Variants in C12orf42 observed in about 807,000 individuals in gnomAD.
C12orf42 encodes the protein chromosome 12 open reading frame 42.
C12orf42 carries 25 observed loss-of-function variants against 21.6 expected under a neutral mutation model. The ratio of observed to expected loss-of-function variants is 1.16; its 90% CI spans 0.84 to 1.62. C12orf42 has a LOEUF of 1.62. Ranked by LOEUF, C12orf42 falls within the 40% of genes most tolerant of loss-of-function variation. The pLI is 0.00. For synonymous variants in C12orf42, 174 were observed against 175.0 expected (o/e 0.99, Z 0.05); for missense variants, 483 against 459.3 (o/e 1.05, Z -0.47).
At chr12:103,430,683 A>G (rs1486078757) in intron 2 of C12orf42, among the ~76,000 whole-genome samples, 1 of 152,252 alleles carries the variant, frequency 6.6e-6, no homozygotes, top group Non-Finnish European at 1.5e-5. Flanking sequence ...TTGCAGCACT[A>G]TTCACAATAG....
chr12:103,422,952 T>C (rs945035844), intron 2 of C12orf42, among the ~76,000 whole-genome samples: 7 of 152,214 alleles, frequency 4.6e-5, no homozygotes, highest in Admixed American at 1.3e-4. Context: ...TTTATCATGG[T>C]TACTGTTGCC....
intron 4 of C12orf42, among the ~76,000 whole-genome samples, chr12:103,337,994 CT>C (rs921440041): frequency 5.3e-5 from 8 of 152,138 alleles, no homozygotes; most frequent in African/African-American, 1.9e-4. Flanking sequence ...ATTTTGAACT[CT>C]TCTTTTATCT....
At chr12:103,540,161 C>A in the C12orf42 span, among the ~76,000 whole-genome samples, 13 of 151,366 alleles carry the variant, frequency 8.6e-5, no homozygotes, top group African/African-American at 3.2e-4. Context: ...GCACATGCCA[C>A]CATGCTCAGC....
chr12:103,376,281 G>A (rs1445359148), intron 3 of C12orf42, among the ~76,000 whole-genome samples: 2 of 152,044 alleles, frequency 1.3e-5, no homozygotes, highest in East Asian at 1.9e-4. Flanking sequence ...GGAAGCCATC[G>A]TTCTCAGCAA....
At chr12:103,462,366 C>A (rs1189716950) in intron 2 of C12orf42, among the ~76,000 whole-genome samples, 2 of 151,784 alleles carry the variant, frequency 1.3e-5, no homozygotes, top group Admixed American at 6.6e-5. Flanking sequence ...CCACCTTGGC[C>A]TCCTAAAGTG....
chr12:103,052,436 T>TAAA, the C12orf42 span, among the ~76,000 whole-genome samples: 1 of 152,154 alleles, frequency 6.6e-6, no homozygotes, highest in Admixed American at 6.5e-5. Context: ...TGATGTTTAA[T>TAAA]AGCTTTGTAT....
the C12orf42 span, among the ~76,000 whole-genome samples, chr12:103,530,632 G>GGC: frequency 7.9e-5 from 12 of 152,202 alleles, no homozygotes; most frequent in South Asian, 2.1e-4. Context: ...TGTTCGGGGG[G>GGC]GGAAAACCCA....
intron 3 of C12orf42, among the ~76,000 whole-genome samples, chr12:103,377,517 G>C (rs950905790): frequency 1.3e-5 from 2 of 152,108 alleles, no homozygotes; most frequent in African/African-American, 4.8e-5. Flanking sequence ...ATTCTGGGTA[G>C]AGAGCAGGAG....
chr12:103,198,092 C>T, the C12orf42 span, among the ~76,000 whole-genome samples: 1 of 152,192 alleles, frequency 6.6e-6, no homozygotes, highest in Non-Finnish European at 1.5e-5. Flanking sequence ...CATACACACA[C>T]ACAGAAGCAG....
chr12:103,304,592 T>G (rs115482988), intron 5 of C12orf42, among the ~76,000 whole-genome samples: 1 of 152,162 alleles, frequency 6.6e-6, no homozygotes, highest in Admixed American at 6.5e-5. Flanking sequence ...AGAACCTGGA[T>G]CTAGAAATAC....
the C12orf42 span, among the ~76,000 whole-genome samples, chr12:103,051,493 G>A: frequency 6.6e-6 from 1 of 152,244 alleles, no homozygotes; most frequent in African/African-American, 2.4e-5. Flanking sequence ...TACATTGCTG[G>A]TTTTACTTTT....
the C12orf42 span, among the ~76,000 whole-genome samples, chr12:103,532,030 A>T: frequency 6.6e-6 from 1 of 152,206 alleles, no homozygotes; most frequent in East Asian, 1.9e-4. Context: ...ACACCTTTAA[A>T]TAAAAATTCC....
the C12orf42 span, among the ~76,000 whole-genome samples, chr12:103,151,378 C>T: frequency 6.6e-6 from 1 of 152,066 alleles, no homozygotes; most frequent in African/African-American, 2.4e-5. Context: ...CTTTCCAGCA[C>T]CTTAGGAGGC....
chr12:103,133,556 C>T, the C12orf42 span, among the ~76,000 whole-genome samples: 1 of 152,184 alleles, frequency 6.6e-6, no homozygotes, highest in Admixed American at 6.5e-5. Context: ...AACAACCATA[C>T]CCCAAGCCAC....
chr12:103,132,302 C>T, the C12orf42 span, among the ~76,000 whole-genome samples: 6 of 152,138 alleles, frequency 3.9e-5, no homozygotes, highest in East Asian at 1.2e-3. Flanking sequence ...GGAAGAGAGG[C>T]AGCCTACTCT....
At chr12:103,112,214 C>G in the C12orf42 span, among the ~76,000 whole-genome samples, 1 of 152,198 alleles carries the variant, frequency 6.6e-6, no homozygotes, top group African/African-American at 2.4e-5. Flanking sequence ...CACAAAGATG[C>G]AATCTTGGGA....
At chr12:103,221,102 G>C in the C12orf42 span, among the ~76,000 whole-genome samples, 1 of 152,156 alleles carries the variant, frequency 6.6e-6, no homozygotes, top group Non-Finnish European at 1.5e-5. Context: ...GGAAATACTT[G>C]TCTTATTTTG....
At chr12:103,212,661 T>C in the C12orf42 span, among the ~76,000 whole-genome samples, 1 of 152,204 alleles carries the variant, frequency 6.6e-6, no homozygotes, top group South Asian at 2.1e-4. Flanking sequence ...CTATGTTCAT[T>C]AAATCACTGG....
At chr12:103,359,647 G>T (rs1371081755) in intron 4 of C12orf42, among the ~76,000 whole-genome samples, 1 of 152,054 alleles carries the variant, frequency 6.6e-6, no homozygotes, top group African/African-American at 2.4e-5. Context: ...GGGTAGAGAA[G>T]GGGTGGATTA....
Sources: gnomAD v4.1 joint callset for allele counts (sites outside exome capture counted in the v4.1 genomes callset) on GRCh38, gnomAD v4.1.1 for gene constraint, MANE v1.5 for transcripts, NCBI Gene and HGNC (gene_info 2026-07-23, HGNC 2026-07-21) for gene names.